The following ADGRV1 variants were observed in gnomAD, a reference collection of about 807,000 sequenced individuals.
The protein encoded by ADGRV1 is adhesion G protein-coupled receptor V1, also known as G-protein coupled receptor 98.
In ADGRV1, 359 loss-of-function variants were observed where a neutral mutation model predicts 596.2. That is an observed-to-expected ratio of 0.60 (90% CI 0.55 to 0.66). ADGRV1 has a LOEUF of 0.66. Among genes scored for constraint, ADGRV1 ranks in the 30% least tolerant of loss-of-function variants. ADGRV1 has a pLI of 0.00. For missense variants in ADGRV1, 7,274 were observed against 7,575.6 expected, an observed-to-expected ratio of 0.96 and a Z score of 1.48; for synonymous variants, 2,681 against 2,679.2, an observed-to-expected ratio of 1.00 and a Z score of -0.02.
chr5:91,035,864 T>TATATA (rs1554202377), intron 85 of ADGRV1, among the ~76,000 whole-genome samples: 9,721 of 68,086 alleles, frequency 0.14, 801 homozygotes, highest in Admixed American at 0.29. Flanking sequence ...ATATATATTA[T>TATATA]ATATATATAT....
chr5:90,562,507 G>C (rs569879269), intron 1 of ADGRV1, among the ~76,000 whole-genome samples: 1 of 152,260 alleles, frequency 6.6e-6, no homozygotes, highest in African/African-American at 2.4e-5. Flanking sequence ...TGTGTTTTCC[G>C]ATTCTACTGT....
intron 86 of ADGRV1, among the ~76,000 whole-genome samples, chr5:91,095,640 C>A (rs995875975): frequency 6.6e-5 from 10 of 152,128 alleles, no homozygotes; most frequent in Non-Finnish European, 1.3e-4. Context: ...CGGAAACATC[C>A]TTGTCTCTAA....
At chr5:90,924,670 C>T (rs1379255963) in intron 83 of ADGRV1, among the ~76,000 whole-genome samples, 16 of 152,044 alleles carry the variant, frequency 1.1e-4, no homozygotes, top group Admixed American at 1.0e-3. Flanking sequence ...TCTTTTGTTG[C>T]CATTGCTTTT....
At chr5:91,080,588 CAAAAAAAAAAAAA>C (rs10696264) in intron 86 of ADGRV1, among the ~76,000 whole-genome samples, 1 of 84,488 alleles carries the variant, frequency 1.2e-5, no homozygotes, top group Non-Finnish European at 2.2e-5. Flanking sequence ...GCACACCCTG[CAAAAAAAAAAAAA>C]AAAAAAAAAA....
chr5:90,569,387 ATTTTTTTTTTTTTT>A (rs869133714), intron 1 of ADGRV1, among the ~76,000 whole-genome samples: 3 of 16,372 alleles, frequency 1.8e-4, no homozygotes, highest in African/African-American at 2.6e-4. Context: ...ATATATATAT[ATTTTTTTTTTTTTT>A]TTTTTTTTTT....
chr5:90,584,358 C>T (rs929752526), intron 1 of ADGRV1, among the ~76,000 whole-genome samples: 3 of 152,180 alleles, frequency 2.0e-5, no homozygotes, highest in Non-Finnish European at 4.4e-5. Flanking sequence ...AGCTTCAGCC[C>T]CTAAGCATTT....
chr5:90,930,733 C>G (rs542775433), intron 83 of ADGRV1, among the ~76,000 whole-genome samples: 17 of 152,262 alleles, frequency 1.1e-4, no homozygotes, highest in Non-Finnish European at 1.9e-4. Context: ...TGGTCTTGCA[C>G]TACTGTAAAT....
chr5:90,976,512 C>T (rs1372274591), intron 84 of ADGRV1, among the ~76,000 whole-genome samples: 2 of 151,438 alleles, frequency 1.3e-5, no homozygotes, highest in African/African-American at 4.9e-5. Flanking sequence ...AACAATGTGT[C>T]CTTGAACACC....
chr5:90,682,771 C>G (rs1745114180), intron 27 of ADGRV1, among the ~76,000 whole-genome samples: 1 of 152,124 alleles, frequency 6.6e-6, no homozygotes, highest in African/African-American at 2.4e-5. Flanking sequence ...CATCATATTT[C>G]AAGAATAAAT....
At chr5:90,704,632 A>G (rs1287164270) in intron 36 of ADGRV1, 144 bp downstream of exon 36, 5 of 544,410 alleles carry the variant, frequency 9.2e-6, no homozygotes, top group Non-Finnish European at 1.3e-5. Flanking sequence ...TGTTAGATCA[A>G]AAAAAATTAG....
Position 90,985,458 on chromosome 5 carries a change from G to A in ADGRV1, c.18088G>A (p.Val6030Ile). The change falls in exon 85 of 90, where the codon GTT (valine) becomes ATT (isoleucine). Residue 6030 changes from valine to isoleucine, a missense_variant. Val to Ile is a conservative substitution (Grantham distance 29, BLOSUM62 3). Coordinates refer to ENST00000405460, the MANE Select transcript of ADGRV1 (RefSeq NM_032119.4). ...AGCTTTTGTGGTGATTCTCCTCATA[G>A]TTATTTTGAAAGGAATCTATCATCA... is the stretch of plus-strand genomic sequence containing the variant. Reference protein sequence around the residue: ...LPAFVVILLIVILKGIYHQSM... With the variant: ...LPAFVVILLIIILKGIYHQSM... 6.2e-7 allele frequency: 1 copy of A among 1,613,782 alleles called. No homozygotes were observed. Among genetic ancestry groups the A allele is most frequent in the Non-Finnish European group, 8.5e-7 (1 of 1,179,764 alleles).
At chr5:90,714,486 T>G (rs1749818341) in intron 42 of ADGRV1, among the ~76,000 whole-genome samples, 1 of 151,914 alleles carries the variant, frequency 6.6e-6, no homozygotes, top group South Asian at 2.1e-4. Context: ...ATATCAAATA[T>G]TTTCTGGTAT....
chr5:91,104,585 T>C (rs1396449215), intron 87 of ADGRV1, among the ~76,000 whole-genome samples: 1 of 152,172 alleles, frequency 6.6e-6, no homozygotes, highest in East Asian at 1.9e-4. Flanking sequence ...TATCCCCTTT[T>C]TCCCCCTACC....
chr5:90,613,211 T>G (rs1169185220), intron 1 of ADGRV1, among the ~76,000 whole-genome samples: 1 of 152,142 alleles, frequency 6.6e-6, no homozygotes, highest in African/African-American at 2.4e-5. Context: ...AAAATCACAG[T>G]AGATTGTAGT....
rs1561412439 is a variant in ADGRV1, at chr5:90,627,635, C to T, written c.1097C>T (p.Thr366Ile). The T allele has an allele frequency of 1.2e-6, 2 of 1,613,756 alleles. No homozygotes were observed. Among genetic ancestry groups the T allele is most frequent in the Admixed American group, 1.7e-5 (1 of 59,994 alleles). ...ESFHIMLLKD[T>I]LQGDAVLISP... ...TTTCACATTATGTTACTAAAAGATA[C>T]CTTACAGGGAGATGCTGTGCTAATA... The change falls in exon 7 of 90, where the codon ACC becomes ATC. Residue 366 changes from threonine (T) to isoleucine (I), a missense_variant. Transcript: ENST00000405460.
chr5:90,579,750 T>C (rs1178955080), intron 1 of ADGRV1, among the ~76,000 whole-genome samples: 1 of 152,184 alleles, frequency 6.6e-6, no homozygotes, highest in Non-Finnish European at 1.5e-5. Context: ...TAAGTCTCTT[T>C]GTAGGTCTCT....
chr5:90,874,273 A>G (rs2150512469), intron 83 of ADGRV1, among the ~76,000 whole-genome samples: 1 of 152,210 alleles, frequency 6.6e-6, no homozygotes, highest in African/African-American at 2.4e-5. Flanking sequence ...GTTCTGCCCC[A>G]GTGTTTTGCT....
chr5:91,104,641 G>C (rs182269590), intron 87 of ADGRV1, among the ~76,000 whole-genome samples: 1 of 151,942 alleles, frequency 6.6e-6, no homozygotes, highest in Non-Finnish European at 1.5e-5. Context: ...ACTTCTATGA[G>C]ATCAACATTT....
chr5:91,049,418 AC>A (rs1259466415), intron 85 of ADGRV1, among the ~76,000 whole-genome samples: 1 of 152,174 alleles, frequency 6.6e-6, no homozygotes, highest in African/African-American at 2.4e-5. Context: ...AGTTAGGATA[AC>A]AGCAGATTAT....
Sources: allele counts gnomAD v4.1 joint callset (sites outside exome capture counted in the v4.1 genomes callset), GRCh38; gene constraint gnomAD v4.1.1; transcripts MANE v1.5; gene names NCBI Gene and HGNC (gene_info 2026-07-23, HGNC 2026-07-21).